The following CCDC125 variants were observed in gnomAD, a reference collection of about 807,000 sequenced individuals.
The protein encoded by CCDC125 is coiled-coil domain-containing protein 125.
A neutral mutation model predicts 57.4 loss-of-function variants in CCDC125; 43 were observed. The ratio of observed to expected loss-of-function variants is 0.75; its 90% CI spans 0.59 to 0.97. CCDC125 has a LOEUF of 0.97. CCDC125 is among the 50% of genes least tolerant of loss of function. The probability of loss-of-function intolerance (pLI) is 0.00; values close to 1 mark genes in which losing one functional copy is unlikely to be tolerated. For missense variants in CCDC125, 563 were observed against 595.7 expected, an observed-to-expected ratio of 0.95 and a Z score of 0.57; for synonymous variants, 187 against 195.2, an observed-to-expected ratio of 0.96 and a Z score of 0.35.
chr5:69,286,235 AT>A (rs537310652), intron 10 of CCDC125, among the ~76,000 whole-genome samples: 59 of 38,298 alleles, frequency 1.5e-3, no homozygotes, highest in African/African-American at 5.3e-3. Flanking sequence ...TATATATATA[AT>A]TTTTTTTTTT....
At chr5:69,299,395 C>T (rs1209473207) in intron 8 of CCDC125, among the ~76,000 whole-genome samples, 2 of 152,192 alleles carry the variant, frequency 1.3e-5, no homozygotes, top group Non-Finnish European at 2.9e-5. Flanking sequence ...AGGCGTGAGC[C>T]ACCGTGCCCG....
chr5:69,328,335 G>A (rs949507890), intron 1 of CCDC125, among the ~76,000 whole-genome samples: 4 of 152,078 alleles, frequency 2.6e-5, no homozygotes, highest in Non-Finnish European at 5.9e-5. Context: ...GAACAATAAA[G>A]AAATAGTTAA....
rs1258191111 is a variant in CCDC125 at position 69,280,517 on chromosome 5, G to C, written c.*2212C>G. 2 of 152,184 alleles carry C rather than the reference G, an allele frequency of 1.3e-5. No individual in the cohort carries two copies. The highest frequency in any genetic ancestry group is 2.9e-5 in the Non-Finnish European group (2 of 68,038). 9.4% of individuals were successfully genotyped at this position (152,184 alleles called of 1,614,324 possible). Reference sequence around the variant, plus strand: ...AGTTTCTCCAGCAATAATCAATGCTGTCTCACCCTTACGAGCAGCCGGCCC... The same window carrying C: ...AGTTTCTCCAGCAATAATCAATGCTCTCTCACCCTTACGAGCAGCCGGCCC... On this transcript the variant is annotated 3_prime_UTR_variant, in exon 12 of 12. Coordinates refer to ENST00000396496, the MANE Select transcript of CCDC125 (RefSeq NM_176816.5).
chr5:69,321,999 G>A (rs1760098050), intron 1 of CCDC125, among the ~76,000 whole-genome samples: 1 of 151,556 alleles, frequency 6.6e-6, no homozygotes, highest in African/African-American at 2.4e-5. Context: ...ACCATGCCCG[G>A]CTAATTTTCT....
downstream of CCDC125, among the ~76,000 whole-genome samples, chr5:69,277,637 G>T (rs955473346): frequency 6.6e-6 from 1 of 152,078 alleles, no homozygotes; most frequent in South Asian, 2.1e-4. Flanking sequence ...GGGCGTGGTG[G>T]TGGGCGCCTG....
At chr5:69,316,901 A>G (rs1759200783) in intron 2 of CCDC125, among the ~76,000 whole-genome samples, 2 of 152,208 alleles carry the variant, frequency 1.3e-5, no homozygotes, top group Non-Finnish European at 2.9e-5. Context: ...GAAATTATCT[A>G]TTAGTGATAG....
chr5:69,275,064 C>CAAA, the CCDC125 span, among the ~76,000 whole-genome samples: 371 of 107,104 alleles, frequency 3.5e-3, no homozygotes, highest in Non-Finnish European at 3.8e-3. Context: ...ACTCTGTATC[C>CAAA]AAAAAAAAAA....
intron 4 of CCDC125, 73 bp from the exon 5 acceptor site, chr5:69,308,101 T>C (rs1757622282): frequency 9.4e-7 from 1 of 1,068,888 alleles, no homozygotes. Flanking sequence ...GAAGTTCTCT[T>C]TTATTTTAAG....
chr5:69,294,134 C>T, intron 9 of CCDC125: 2 of 984,008 alleles, frequency 2.0e-6, no homozygotes, highest in Non-Finnish European at 1.2e-6. Context: ...CCATGCTTAT[C>T]TCTCCATTAA....
At position 69,311,113 on chromosome 5, in the gene CCDC125, C is replaced by T. The variant is rs1255427143; in HGVS notation, c.453+5G>A. ...AATGGTGAAAGTTTAAAAACAACTT[C>T]TTACCATGCTTTGAAGAATTTTCAA... On this transcript the variant is annotated splice_donor_5th_base_variant and intron_variant, in intron 4 of 11. Transcript: ENST00000396496. The T allele has an allele frequency of 6.3e-7, 1 of 1,584,840 alleles. No homozygotes were observed. Among genetic ancestry groups the T allele is most frequent in the East Asian group, 2.2e-5 (1 of 44,648 alleles).
intron 2 of CCDC125, among the ~76,000 whole-genome samples, chr5:69,315,904 C>T (rs1442200592): frequency 2.2e-5 from 3 of 139,086 alleles, no homozygotes; most frequent in Admixed American, 7.6e-5. Context: ...CTAAGAGCTT[C>T]ATTTTCCTTT....
intron 7 of CCDC125, among the ~76,000 whole-genome samples, chr5:69,300,553 AG>A (rs1756226743): frequency 6.6e-6 from 1 of 152,236 alleles, no homozygotes; most frequent in Non-Finnish European, 1.5e-5. Flanking sequence ...TTTCACAAGA[AG>A]ATCTCAAACC....
downstream of CCDC125, among the ~76,000 whole-genome samples, chr5:69,278,729 T>A (rs1274726846): frequency 7.6e-6 from 1 of 131,562 alleles, no homozygotes; most frequent in Non-Finnish European, 1.6e-5. Context: ...TTTTGTGAGA[T>A]AGTCTCTGTT....
the CCDC125 span, among the ~76,000 whole-genome samples, chr5:69,274,246 TATTA>T: frequency 1.3e-5 from 2 of 152,362 alleles, no homozygotes; most frequent in Non-Finnish European, 2.9e-5. Flanking sequence ...TGGATGTCTT[TATTA>T]AAGTTGGAAT....
intron 11 of CCDC125, among the ~76,000 whole-genome samples, chr5:69,283,735 G>A (rs1037958593): frequency 6.8e-6 from 1 of 147,914 alleles, no homozygotes; most frequent in African/African-American, 2.5e-5. Flanking sequence ...TGATCCACTC[G>A]CCTCGGCCTC....
chr5:69,304,511 C>G (rs6869305), intron 6 of CCDC125, among the ~76,000 whole-genome samples: 1 of 149,872 alleles, frequency 6.7e-6, no homozygotes, highest in Non-Finnish European at 1.5e-5. Flanking sequence ...GTGCAACCTC[C>G]GCCTCCCAGG....
At chr5:69,313,863 C>T (rs758525265) in intron 3 of CCDC125, 122 bp downstream of exon 3, 2 of 877,648 alleles carry the variant, frequency 2.3e-6, no homozygotes, top group Non-Finnish European at 3.9e-6. Flanking sequence ...ACAGCCACAA[C>T]AGAGGCCATG....
chr5:69,311,320 A>G lies in CCDC125; in HGVS notation c.367-116T>C, dbSNP rs148324355. ...AAACCACTTACAAATGTGGCTGAAA[A>G]TTCTTCTAGACTTAGTGAGTGAACC... is the stretch of plus-strand genomic sequence containing the variant. On this transcript the variant is annotated intron_variant, in intron 3 of 11. Transcript: ENST00000396496. The G allele has an allele frequency of 1.4e-4, 83 of 586,012 alleles. No individual in the cohort carries two copies. The Middle Eastern group carries it at 3.0e-3, about 21-fold the overall frequency. 36.3% of individuals were successfully genotyped at this position (586,012 alleles called of 1,614,324 possible). A position where few individuals can be genotyped will look rare whatever the true frequency, so the allele number is the denominator to read the frequency against.
intron 7 of CCDC125, 135 bp downstream of exon 7, chr5:69,303,712 T>G: frequency 1.7e-6 from 1 of 591,236 alleles, no homozygotes. Flanking sequence ...AATTTCACCT[T>G]GATAAATTTT....
Sources: allele counts gnomAD v4.1 joint callset (sites outside exome capture counted in the v4.1 genomes callset), GRCh38; gene constraint gnomAD v4.1.1; transcripts MANE v1.5; gene names NCBI Gene and HGNC (gene_info 2026-07-23, HGNC 2026-07-21).